Variants in PSD3 observed in about 807,000 individuals in gnomAD.
PSD3 encodes the protein pleckstrin and Sec7 domain containing 3, also known as PH and SEC7 domain-containing protein 3.
In PSD3, 49 loss-of-function variants were observed where a neutral mutation model predicts 105.5. The ratio of observed to expected loss-of-function variants is 0.46; its 90% CI spans 0.37 to 0.59. The LOEUF is 0.59. Ranked by LOEUF, PSD3 falls within the 20% of genes least tolerant of loss-of-function variation. PSD3 has a pLI of 0.00. For synonymous variants in PSD3, 557 were observed against 457.8 expected, an observed-to-expected ratio of 1.22 and a Z score of -2.77; for missense variants, 1,561 against 1,263.8, an observed-to-expected ratio of 1.24 and a Z score of -3.57.
intron 1 of PSD3, among the ~76,000 whole-genome samples, chr8:19,049,265 G>A (rs1828431987): frequency 2.0e-5 from 3 of 152,190 alleles, no homozygotes; most frequent in Admixed American, 2.0e-4. Context: ...GCAAGGTGGA[G>A]CGGAGAGACT....
rs776616120 is a variant in PSD3, at chr8:18,535,011, G to A, written c.*732C>T. ...CATCCTTTAGCAAACAAAATTAACT[G>A]GGTATCAATCTTTCCTCAGCCTTCA... On this transcript the variant is annotated 3_prime_UTR_variant, in exon 16 of 16. Coordinates refer to ENST00000327040, the MANE Select transcript of PSD3 (RefSeq NM_015310.4). 2 of 152,564 alleles carry A rather than the reference G, an allele frequency of 1.3e-5. No homozygotes were observed. The highest frequency in any genetic ancestry group is 2.9e-5 in the Non-Finnish European group (2 of 68,046). The allele number at this position is 152,564 out of a possible 1,614,324, so 9.5% of individuals were successfully genotyped here.
chr8:18,712,284 C>A (rs1237480307), intron 9 of PSD3, among the ~76,000 whole-genome samples: 5 of 150,598 alleles, frequency 3.3e-5, no homozygotes, highest in Admixed American at 3.3e-4. Context: ...CAGCGCAGAA[C>A]TGAAGGAGAT....
intron 1 of PSD3, among the ~76,000 whole-genome samples, chr8:18,938,815 G>C (rs1165748074): frequency 6.6e-6 from 1 of 152,152 alleles, no homozygotes; most frequent in Non-Finnish European, 1.5e-5. Context: ...AAGGCAATGA[G>C]AGGCTAAATA....
chr8:18,727,334 CA>C (rs11300334), intron 9 of PSD3, among the ~76,000 whole-genome samples: 15,033 of 55,714 alleles, frequency 0.27, 931 homozygotes, highest in East Asian at 0.52. Flanking sequence ...GACTGTGTCT[CA>C]AAAAAAAAAA....
At chr8:19,023,079 T>C (rs1417956681) in intron 1 of PSD3, among the ~76,000 whole-genome samples, 2 of 152,148 alleles carry the variant, frequency 1.3e-5, no homozygotes, top group African/African-American at 4.8e-5. Flanking sequence ...ATCACCTCCA[T>C]CATAGAGTCT....
chr8:18,783,298 G>C (rs1408168904), intron 8 of PSD3, among the ~76,000 whole-genome samples: 3 of 152,122 alleles, frequency 2.0e-5, no homozygotes, highest in Non-Finnish European at 4.4e-5. Flanking sequence ...CTTCCATAAG[G>C]CCAATAGTAA....
At chr8:18,920,240 C>G (rs776204428) in intron 2 of PSD3, among the ~76,000 whole-genome samples, 1 of 152,142 alleles carries the variant, frequency 6.6e-6, no homozygotes, top group African/African-American at 2.4e-5. Context: ...TTTTGCAATG[C>G]CTTCTTTATT....
intron 4 of PSD3, chr8:18,854,477 G>A (rs976125348): frequency 1.3e-5 from 2 of 152,242 alleles, no homozygotes; most frequent in Admixed American, 1.3e-4. Flanking sequence ...ACAGCAGTCA[G>A]AAAAGGCAAC....
chr8:18,819,645 C>G (rs10216792), intron 4 of PSD3, among the ~76,000 whole-genome samples: 59,590 of 141,422 alleles, frequency 0.42, 13,409 homozygotes, highest in Middle Eastern at 0.56. Flanking sequence ...GTGGCGCAAT[C>G]TTGGCTCACT....
chr8:18,909,270 T>C (rs1045543353), intron 2 of PSD3, among the ~76,000 whole-genome samples: 1 of 152,172 alleles, frequency 6.6e-6, no homozygotes, highest in Non-Finnish European at 1.5e-5. Context: ...ATGAACGTTA[T>C]CTCTCCCTTA....
chr8:18,641,260 C>A (rs1369592413), intron 10 of PSD3, among the ~76,000 whole-genome samples: 1 of 152,200 alleles, frequency 6.6e-6, no homozygotes, highest in Admixed American at 6.5e-5. Context: ...AGTCCCTGCT[C>A]TCCTCCAGGA....
At chr8:18,700,539 A>G (rs1801517311) in intron 9 of PSD3, among the ~76,000 whole-genome samples, 1 of 152,192 alleles carries the variant, frequency 6.6e-6, no homozygotes, top group African/African-American at 2.4e-5. Context: ...GAGAAAATCA[A>G]CAATGTGCTT....
At chr8:18,637,461 G>A (rs1434789480) in intron 10 of PSD3, among the ~76,000 whole-genome samples, 1 of 152,102 alleles carries the variant, frequency 6.6e-6, no homozygotes, top group African/African-American at 2.4e-5. Flanking sequence ...CCCTCACACT[G>A]TTATTTGGCC....
chr8:18,836,842 CCT>C (rs1221809196), intron 4 of PSD3, among the ~76,000 whole-genome samples: 2 of 152,056 alleles, frequency 1.3e-5, no homozygotes, highest in South Asian at 2.1e-4. Flanking sequence ...ACCATCCTCC[CCT>C]GACCCGCCCA....
rs1033672063 is a variant in PSD3 at position 18,838,630 on chromosome 8, T to C, written c.1634+29044A>G. 4.6e-5 allele frequency among the ~76,000 whole-genome samples: 7 copies of C among 151,800 alleles called. No homozygotes were observed. The East Asian group carries it at 9.8e-4, about 21-fold the overall frequency. On this transcript the variant is annotated intron_variant, in intron 4 of 15. Coordinates refer to ENST00000327040, the MANE Select transcript of PSD3 (RefSeq NM_015310.4). ...TCCTGGTTCACATGGTGAAACCCCATCTCTACTAAAAATACAAAAAATTAG... is the reference window on the plus strand; with the variant it reads ...TCCTGGTTCACATGGTGAAACCCCACCTCTACTAAAAATACAAAAAATTAG...
chr8:18,714,882 A>C (rs1006348347), intron 9 of PSD3, among the ~76,000 whole-genome samples: 2 of 152,234 alleles, frequency 1.3e-5, no homozygotes, highest in African/African-American at 4.8e-5. Context: ...AATCAACCCA[A>C]ATGTCCATCA....
chr8:19,031,671 T>C (rs1215561043), intron 1 of PSD3, among the ~76,000 whole-genome samples: 1 of 152,122 alleles, frequency 6.6e-6, no homozygotes, highest in African/African-American at 2.4e-5. Flanking sequence ...TAACAACAAC[T>C]ATATTTGACT....
intron 9 of PSD3, among the ~76,000 whole-genome samples, chr8:18,739,557 A>G (rs1804403634): frequency 6.6e-6 from 1 of 152,200 alleles, no homozygotes; most frequent in Non-Finnish European, 1.5e-5. Flanking sequence ...TCATGTGTCT[A>G]ATAGCTAAAG....
intron 13 of PSD3, among the ~76,000 whole-genome samples, chr8:18,574,821 T>A (rs954072087): frequency 6.6e-6 from 1 of 152,196 alleles, no homozygotes; most frequent in Non-Finnish European, 1.5e-5. Flanking sequence ...TCTGTTTTAC[T>A]CATTTTGCGA....
Sources: gnomAD v4.1 joint callset for allele counts (sites outside exome capture counted in the v4.1 genomes callset) on GRCh38, gnomAD v4.1.1 for gene constraint, MANE v1.5 for transcripts, NCBI Gene and HGNC (gene_info 2026-07-23, HGNC 2026-07-21) for gene names.